CWF19L2: variants seen among roughly 807,000 people sequenced by gnomAD.
CWF19L2 encodes CWF19 like cell cycle control factor 2, also known as CWF19-like protein 2.
A neutral mutation model predicts 111.7 loss-of-function variants in CWF19L2; 98 were observed. The observed-to-expected ratio is 0.88, with a 90% CI of 0.75 to 1.04. The LOEUF is 1.04. Ranked by LOEUF, CWF19L2 falls within the 50% of genes least tolerant of loss-of-function variation. CWF19L2 has a pLI of 0.00. For synonymous variants in CWF19L2, 351 were observed against 342.9 expected, an observed-to-expected ratio of 1.02 and a Z score of -0.26; for missense variants, 1,101 against 1,051.4, an observed-to-expected ratio of 1.05 and a Z score of -0.65.
chr11:107,430,031 T>C (rs1861442721), intron 7 of CWF19L2, among the ~76,000 whole-genome samples: 1 of 152,016 alleles, frequency 6.6e-6, no homozygotes, highest in Non-Finnish European at 1.5e-5. Flanking sequence ...CTAATATGCA[T>C]TTATTAGTAC....
intron 10 of CWF19L2, among the ~76,000 whole-genome samples, chr11:107,401,387 T>C (rs1452637624): frequency 5.9e-5 from 9 of 152,160 alleles, no homozygotes. Context: ...ACAAGATTAA[T>C]GTACCACAAA....
chr11:107,403,927 C>T (rs1199471130), intron 10 of CWF19L2: 6 of 864,504 alleles, frequency 6.9e-6, no homozygotes, highest in Middle Eastern at 3.2e-4. Flanking sequence ...CCATTAAGGA[C>T]TGGACCTGTC....
intron 3 of CWF19L2, among the ~76,000 whole-genome samples, chr11:107,445,952 CA>C (rs960580711): frequency 1.3e-5 from 2 of 151,852 alleles, no homozygotes; most frequent in African/African-American, 2.4e-5. Flanking sequence ...TTCTGGAAGT[CA>C]AGTTAAGAAA....
intron 12 of CWF19L2, among the ~76,000 whole-genome samples, chr11:107,362,066 C>T (rs975905182): frequency 3.3e-5 from 5 of 152,088 alleles, no homozygotes; most frequent in Admixed American, 1.3e-4. Flanking sequence ...GGGTGACGGA[C>T]GCACCTGGAA....
intron 10 of CWF19L2, chr11:107,404,453 C>T: frequency 2.6e-6 from 2 of 772,312 alleles, no homozygotes; most frequent in Non-Finnish European, 2.4e-6. Context: ...GCTGTTGGCA[C>T]CCGGGTTCCC....
chr11:107,354,816 C>CA (rs1357955451), intron 12 of CWF19L2, among the ~76,000 whole-genome samples: 1 of 152,212 alleles, frequency 6.6e-6, no homozygotes, highest in Non-Finnish European at 1.5e-5. Context: ...TATTTCCTGA[C>CA]AGGCTGTCTC....
chr11:107,373,391 G>A (rs569257784), intron 12 of CWF19L2, among the ~76,000 whole-genome samples: 1 of 135,368 alleles, frequency 7.4e-6, no homozygotes, highest in East Asian at 2.2e-4. Flanking sequence ...TTTGAAGACA[G>A]CAGTGGTTCT....
intron 8 of CWF19L2, among the ~76,000 whole-genome samples, chr11:107,427,662 G>A (rs1861399494): frequency 1.3e-5 from 2 of 152,102 alleles, no homozygotes; most frequent in Admixed American, 1.3e-4. Flanking sequence ...TTCCCCTAGT[G>A]ACTGGGAACT....
chr11:107,341,452 T>G (rs1481795747), intron 14 of CWF19L2, among the ~76,000 whole-genome samples: 1 of 152,182 alleles, frequency 6.6e-6, no homozygotes, highest in African/African-American at 2.4e-5. Context: ...TTGGACATAG[T>G]GTGTTATTGT....
At chr11:107,451,711 C>T (rs1057086161) in intron 3 of CWF19L2, among the ~76,000 whole-genome samples, 4 of 151,856 alleles carry the variant, frequency 2.6e-5, no homozygotes, top group African/African-American at 9.7e-5. Context: ...CCAGAAAAAC[C>T]GAAATTACTA....
chr11:107,457,787 A>G lies in CWF19L2; in HGVS notation c.30T>C (p.Gly10=), dbSNP rs1861877522. MATSMAAAS[G]RFESAKSIEE... ...CGATACTCTTCGCACTTTCAAATCT[A>G]CCACTAGCAGCCGCCATACTTGTTG... Residue 10 remains glycine, a synonymous_variant, in exon 1 of 18, where the codon GGT becomes GGC. Coordinates refer to ENST00000282251, the MANE Select transcript of CWF19L2 (RefSeq NM_152434.3). The G allele has an allele frequency of 9.7e-6, 15 of 1,551,544 alleles. No homozygotes were observed. The highest frequency in any genetic ancestry group is 1.3e-5 in the Non-Finnish European group (15 of 1,146,962).
At position 107,369,105 on chromosome 11, in the gene CWF19L2, G is replaced by C. The variant is rs1196633267; in HGVS notation, c.1873-15369C>G. Among the ~76,000 whole-genome samples, 6 of 137,798 alleles carry C rather than the reference G, an allele frequency of 4.4e-5. No homozygotes were observed. In the East Asian group the frequency reaches 1.3e-3, roughly 29 times the overall value. 90.4% of individuals were successfully genotyped at this position (137,798 alleles called of 152,430 possible). ...TCCAAATCAGAATTTAGCTTGGCCA[G>C]AATGTAACGCCAGTTGCTTCTATGC... On this transcript the variant is annotated intron_variant, in intron 12 of 17. Coordinates refer to ENST00000282251, the MANE Select transcript of CWF19L2 (RefSeq NM_152434.3).
chr11:107,421,613 G>A (rs1861303912), intron 8 of CWF19L2, among the ~76,000 whole-genome samples: 1 of 152,036 alleles, frequency 6.6e-6, no homozygotes, highest in Non-Finnish European at 1.5e-5. Context: ...GGCATCAGTA[G>A]TCATTAGCCA....
chr11:107,393,987 C>T (rs1860886341), intron 10 of CWF19L2, among the ~76,000 whole-genome samples: 3 of 151,558 alleles, frequency 2.0e-5, no homozygotes, highest in Admixed American at 2.0e-4. Flanking sequence ...GCAATATATC[C>T]CTGTAAAAAA....
intron 12 of CWF19L2, among the ~76,000 whole-genome samples, chr11:107,372,898 C>T (rs1288192091): frequency 7.8e-6 from 1 of 127,938 alleles, no homozygotes; most frequent in Non-Finnish European, 1.6e-5. Flanking sequence ...ACAGTGGGCG[C>T]AGGCCAGTGG....
At chr11:107,451,152 A>G (rs192686669) in intron 3 of CWF19L2, among the ~76,000 whole-genome samples, 1 of 152,246 alleles carries the variant, frequency 6.6e-6, no homozygotes, top group African/African-American at 2.4e-5. Flanking sequence ...GTATAACATA[A>G]TAATTAAAAT....
chr11:107,442,722 A>AGAG (rs1565287058), intron 4 of CWF19L2, among the ~76,000 whole-genome samples: 2 of 114,390 alleles, frequency 1.7e-5, no homozygotes, highest in African/African-American at 6.4e-5. Context: ...GAGAGAGAGA[A>AGAG]AGAGAAAGAA....
intron 10 of CWF19L2, among the ~76,000 whole-genome samples, chr11:107,413,124 T>C (rs978094858): frequency 5.3e-5 from 8 of 152,066 alleles, no homozygotes; most frequent in African/African-American, 1.9e-4. Flanking sequence ...AACTATAGAC[T>C]TTGGGTGATA....
chr11:107,426,231 AAAC>A (rs1861374380), intron 8 of CWF19L2, among the ~76,000 whole-genome samples: 1 of 151,910 alleles, frequency 6.6e-6, no homozygotes, highest in African/African-American at 2.4e-5. Context: ...AAATACAAAT[AAAC>A]AACACATAAA....
Sources: allele counts gnomAD v4.1 joint callset (sites outside exome capture counted in the v4.1 genomes callset), GRCh38; gene constraint gnomAD v4.1.1; transcripts MANE v1.5; gene names NCBI Gene and HGNC (gene_info 2026-07-23, HGNC 2026-07-21).